Variants in VANGL2 observed in about 807,000 individuals in gnomAD.
VANGL2 encodes the protein VANGL planar cell polarity protein 2.
Under a neutral mutation model 50.2 loss-of-function variants are expected in VANGL2, and 14 were observed. That is an observed-to-expected ratio of 0.28 (90% confidence interval 0.18 to 0.44). The LOEUF (loss-of-function observed/expected upper bound fraction) is 0.44, where lower values mean the gene tolerates loss of function less well. Ranked by LOEUF, VANGL2 falls within the 20% of genes least tolerant of loss-of-function variation. The probability of loss-of-function intolerance (pLI) is 1.00; values close to 1 mark genes in which losing one functional copy is unlikely to be tolerated. For missense variants in VANGL2, 533 were observed against 701.5 expected, an observed-to-expected ratio of 0.76 and a Z score of 2.71; for synonymous variants, 295 against 297.2, an observed-to-expected ratio of 0.99 and a Z score of 0.08.
In VANGL2 at chr1:160,424,710, C is replaced by T. The variant is rs1466228166; in HGVS notation, c.1306-408C>T. ...TGAGCCACCCTTGGTGAGCAGGTAACTAAAGATGTTGCACTTTAACCTTGA... is the reference window on the plus strand; with the variant it reads ...TGAGCCACCCTTGGTGAGCAGGTAATTAAAGATGTTGCACTTTAACCTTGA... On this transcript the variant is annotated intron_variant, in intron 7 of 7. Transcript: ENST00000368061. 2.6e-5 allele frequency among the ~76,000 whole-genome samples: 4 copies of T among 152,192 alleles called. No individual in the cohort carries two copies. The South Asian group carries it at 6.2e-4, about 24-fold the overall frequency.
Position 160,421,275 on chromosome 1 carries a change from T to C in VANGL2, c.1073+88T>C, listed in dbSNP as rs901182799. Reference sequence around the variant, plus strand: ...AAGGAACTTCTGTAACTGCTGGAAATATAGGGCAATGATGACATGAGTTGG... The same window carrying C: ...AAGGAACTTCTGTAACTGCTGGAAACATAGGGCAATGATGACATGAGTTGG... On this transcript the variant is annotated intron_variant, in intron 6 of 7. Transcript: ENST00000368061. 6.5e-6 allele frequency: 10 copies of C among 1,539,770 alleles called. No homozygotes were observed. In the African/African-American group the frequency reaches 6.8e-5, roughly 10 times the overall value.
At chr1:160,410,352 C>G (rs1043595457) in intron 1 of VANGL2, among the ~76,000 whole-genome samples, 5 of 152,166 alleles carry the variant, frequency 3.3e-5, no homozygotes, top group East Asian at 1.9e-4. Flanking sequence ...GTCCCTGCCC[C>G]CCTTTTCTTC....
At chr1:160,407,205 C>T (rs1650705428) in intron 1 of VANGL2, among the ~76,000 whole-genome samples, 1 of 152,148 alleles carries the variant, frequency 6.6e-6, no homozygotes, top group South Asian at 2.1e-4. Flanking sequence ...TGAGAATTTT[C>T]AGCAAAGAGT....
chr1:160,424,041 C>G lies in VANGL2; in HGVS notation c.1074-11C>G. The G allele has an allele frequency of 1.9e-6, 3 of 1,613,916 alleles. No individual in the cohort carries two copies. Among genetic ancestry groups the G allele is most frequent in the Non-Finnish European group, 2.5e-6 (3 of 1,179,868 alleles). The stretch of plus-strand genomic sequence containing the variant: ...GGTGGGCATCTGGCCCAGTCCCCTC[C>G]TGTCCCCTAGGCTTGTAGTGGCGGT... On this transcript the variant is annotated splice_polypyrimidine_tract_variant and intron_variant, in intron 6 of 7. Transcript: ENST00000368061.
chr1:160,417,020 TG>T (rs1458305042), intron 3 of VANGL2, among the ~76,000 whole-genome samples: 1 of 152,140 alleles, frequency 6.6e-6, no homozygotes, highest in Non-Finnish European at 1.5e-5. Context: ...CCCTTCTTCC[TG>T]GGGCCTGGCC....
chr1:160,419,122 C>G lies in VANGL2; in HGVS notation c.313C>G (p.Arg105Gly), dbSNP rs746031069. 3 of 1,614,108 alleles carry G rather than the reference C, an allele frequency of 1.9e-6. No homozygotes were observed. Among genetic ancestry groups the G allele is most frequent in the African/African-American group, 2.7e-5 (2 of 74,928 alleles). Reference sequence around the variant, plus strand: ...GGACAGTGTCCCTCTGGACTGCTCCCGTCACCTGGGTGTGGCAGCGGGGGC... The same window carrying G: ...GGACAGTGTCCCTCTGGACTGCTCCGGTCACCTGGGTGTGGCAGCGGGGGC... ...MEDSVPLDCS[R>G]HLGVAAGATL... The change falls in exon 4 of 8, where the codon CGT becomes GGT. Residue 105 changes from arginine (R) to glycine (G), a missense_variant. By Grantham distance (125) the Arg-to-Gly change is moderately radical. Transcript: ENST00000368061. This position sits in a 1 kb window ranked among gnomAD's most constrained non-coding sequence, Gnocchi z 5.8.
At chr1:160,420,272 C>A in intron 4 of VANGL2, 139 bp from the exon 5 acceptor site, 2 of 1,153,268 alleles carry the variant, frequency 1.7e-6, no homozygotes, top group Admixed American at 1.9e-5. Context: ...GACCTCAGGC[C>A]CGGAGTCAGG....
intron 1 of VANGL2, among the ~76,000 whole-genome samples, chr1:160,412,008 T>C (rs1650898020): frequency 6.6e-6 from 1 of 152,192 alleles, no homozygotes; most frequent in African/African-American, 2.4e-5. Context: ...ACTTGTTAAT[T>C]GCTTAACTAA....
At chr1:160,415,169 G>C (rs137910507) in intron 1 of VANGL2, among the ~76,000 whole-genome samples, 30 of 152,340 alleles carry the variant, frequency 2.0e-4, no homozygotes, top group Middle Eastern at 3.4e-3. Context: ...GGCACACTCA[G>C]AAAGTATGAG....
In VANGL2 at chr1:160,420,563, C is replaced by T; in HGVS notation, c.937+16C>T. ...CTCGGAGAGGGTGAGCAGCCCTGCT[C>T]CTCTGCCCTTCCCTGTCTCTTCCCA... On this transcript the variant is annotated intron_variant, in intron 5 of 7. Transcript: ENST00000368061. 11 of 1,614,194 alleles carry T rather than the reference C, an allele frequency of 6.8e-6. No homozygotes were observed. The highest frequency in any genetic ancestry group is 9.3e-6 in the Non-Finnish European group (11 of 1,180,034).
At chr1:160,408,591 A>C (rs1021301796) in intron 1 of VANGL2, among the ~76,000 whole-genome samples, 3 of 151,976 alleles carry the variant, frequency 2.0e-5, no homozygotes, top group African/African-American at 4.8e-5. Flanking sequence ...CACTCAGCCC[A>C]GTGAGGAGAA....
chr1:160,427,488 G>T lies in VANGL2; in HGVS notation c.*2110G>T, dbSNP rs1260144090. On this transcript the variant is annotated 3_prime_UTR_variant, in exon 8 of 8. Transcript: ENST00000368061. ...TGCCTCCAACTCTCTAAGCACTAAG[G>T]GCTGTGCCTGAGAATGGTAGCATTT... 1 of 152,074 alleles carries T rather than the reference G, an allele frequency of 6.6e-6. No homozygotes were observed. The highest frequency in any genetic ancestry group is 1.5e-5 in the Non-Finnish European group (1 of 67,958). 9.4% of individuals were successfully genotyped at this position (152,074 alleles called of 1,614,324 possible).
chr1:160,403,949 T>C (rs1650566853), intron 1 of VANGL2, among the ~76,000 whole-genome samples: 1 of 152,242 alleles, frequency 6.6e-6, no homozygotes, highest in Admixed American at 6.5e-5. Context: ...TGGTAACTTT[T>C]TGAAGCCTCA....
chr1:160,427,482 A>T lies in VANGL2; in HGVS notation c.*2104A>T, dbSNP rs1385028164. On this transcript the variant is annotated 3_prime_UTR_variant, in exon 8 of 8. Transcript: ENST00000368061. Reference sequence around the variant, plus strand: ...ATTTTTTGCCTCCAACTCTCTAAGCACTAAGGGCTGTGCCTGAGAATGGTA... The same window carrying T: ...ATTTTTTGCCTCCAACTCTCTAAGCTCTAAGGGCTGTGCCTGAGAATGGTA... 6.6e-6 allele frequency: 1 copy of T among 152,086 alleles called. No homozygotes were observed. Among genetic ancestry groups the T allele is most frequent in the Non-Finnish European group, 1.5e-5 (1 of 67,920 alleles). 9.4% of individuals were successfully genotyped at this position (152,086 alleles called of 1,614,324 possible). A position where few individuals can be genotyped will look rare whatever the true frequency, so the allele number is the denominator to read the frequency against.
In VANGL2 at chr1:160,425,645, A is replaced by C; in HGVS notation, c.*267A>C. 2.3e-6 allele frequency: 1 copy of C among 430,360 alleles called. No individual in the cohort carries two copies. The allele number at this position is 430,360 out of a possible 1,614,324, so 26.7% of individuals were successfully genotyped here. A position where few individuals can be genotyped will look rare whatever the true frequency, so the allele number is the denominator to read the frequency against. Reference sequence around the variant, plus strand: ...TTGTATTACTCTAGGCCCTGCAGGAATCAGTGCCTCTCTCCCTCTTCTTTC... The same window carrying C: ...TTGTATTACTCTAGGCCCTGCAGGACTCAGTGCCTCTCTCCCTCTTCTTTC... On this transcript the variant is annotated 3_prime_UTR_variant, in exon 8 of 8. Coordinates refer to ENST00000368061, the MANE Select transcript of VANGL2 (RefSeq NM_020335.3).
chr1:160,415,742 C>A lies in VANGL2; in HGVS notation c.-96C>A. Reference sequence around the variant, plus strand: ...TGACTTCCTGAAGGTGCCTCTTGGCCTAAAGAAGCCGGTGCTGAAGGAGGT... The same window carrying A: ...TGACTTCCTGAAGGTGCCTCTTGGCATAAAGAAGCCGGTGCTGAAGGAGGT... On this transcript the variant is annotated 5_prime_UTR_variant, in exon 2 of 8. Coordinates refer to ENST00000368061, the MANE Select transcript of VANGL2 (RefSeq NM_020335.3). 1 of 1,443,682 alleles carries A rather than the reference C, an allele frequency of 6.9e-7. No individual in the cohort carries two copies. The highest frequency in any genetic ancestry group is 1.2e-5 in the South Asian group (1 of 81,828). The allele number at this position is 1,443,682 out of a possible 1,614,324, so 89.4% of individuals were successfully genotyped here.
Position 160,419,178 on chromosome 1 carries a change from T to G in VANGL2, c.369T>G (p.Pro123=). 1.2e-6 allele frequency: 2 copies of G among 1,613,820 alleles called. No homozygotes were observed. Among genetic ancestry groups the G allele is most frequent in the Non-Finnish European group, 1.7e-6 (2 of 1,180,014 alleles). ...TGGCACTGCTGTCTTTCCTCACGCCTCTGGCCTTCCTGCTGCTGCCCCCAC... is the reference window on the plus strand; with the variant it reads ...TGGCACTGCTGTCTTTCCTCACGCCGCTGGCCTTCCTGCTGCTGCCCCCAC... The part of the protein sequence containing the change: ...ATLALLSFLT[P]LAFLLLPPLL... Residue 123 remains proline (P), a synonymous_variant, in exon 4 of 8, where the codon CCT becomes CCG. Coordinates refer to ENST00000368061, the MANE Select transcript of VANGL2 (RefSeq NM_020335.3). The surrounding 1 kb of genome is among the most constrained non-coding windows in gnomAD (Gnocchi z 5.8).
chr1:160,403,170 T>G (rs1038040125), intron 1 of VANGL2, among the ~76,000 whole-genome samples: 7 of 151,742 alleles, frequency 4.6e-5, no homozygotes, highest in Non-Finnish European at 8.8e-5. Flanking sequence ...TAATGGATCA[T>G]TCCCCCAAAC....
intron 1 of VANGL2, among the ~76,000 whole-genome samples, chr1:160,413,370 T>A (rs761588723): frequency 2.7e-5 from 4 of 150,498 alleles, no homozygotes; most frequent in Non-Finnish European, 5.9e-5. Context: ...AACCTCCACC[T>A]CCCAGGTTCA....
Sources: gnomAD v4.1 joint callset for allele counts (sites outside exome capture counted in the v4.1 genomes callset) on GRCh38, gnomAD v4.1.1 for gene constraint, Gnocchi (gnomAD v3.1) non-coding constraint, MANE v1.5 for transcripts, NCBI Gene and HGNC (gene_info 2026-07-23, HGNC 2026-07-21) for gene names.